Variants in KCND3 observed in about 807,000 individuals in gnomAD.
KCND3 encodes A-type voltage-gated potassium channel KCND3.
KCND3 carries 9 observed loss-of-function variants against 51.1 expected under a neutral mutation model. The ratio of observed to expected loss-of-function variants is 0.18; its 90% CI spans 0.11 to 0.31. KCND3 has a LOEUF of 0.31. Ranked by LOEUF, KCND3 falls within the 10% of genes least tolerant of loss-of-function variation. The pLI is 1.00. For synonymous variants in KCND3, 349 were observed against 368.0 expected, an observed-to-expected ratio of 0.95 and a Z score of 0.59; for missense variants, 526 against 903.8, an observed-to-expected ratio of 0.58 and a Z score of 5.36.
chr1:111,831,360 T>A (rs566586646), intron 2 of KCND3, among the ~76,000 whole-genome samples: 1 of 152,270 alleles, frequency 6.6e-6, no homozygotes, highest in East Asian at 1.9e-4. Context: ...TTTCTCATGA[T>A]AGTGAGTGAG....
chr1:111,948,387 C>T (rs1176688528), intron 2 of KCND3, among the ~76,000 whole-genome samples: 2 of 152,244 alleles, frequency 1.3e-5, no homozygotes, highest in Admixed American at 6.5e-5. Flanking sequence ...GAAAGCCAGC[C>T]TCCTGAGGTG....
At chr1:111,848,216 C>G (rs1407813670) in intron 2 of KCND3, among the ~76,000 whole-genome samples, 1 of 152,194 alleles carries the variant, frequency 6.6e-6, no homozygotes, top group Non-Finnish European at 1.5e-5. Context: ...GGGAAGGGAG[C>G]TGGATCTTGG....
chr1:111,848,845 C>T (rs984736849), intron 2 of KCND3, among the ~76,000 whole-genome samples: 7 of 152,180 alleles, frequency 4.6e-5, no homozygotes, highest in South Asian at 2.1e-4. Context: ...ATGCCAGGGA[C>T]GCGGGATGTG....
chr1:111,872,231 G>T (rs1668855982), intron 2 of KCND3, among the ~76,000 whole-genome samples: 2 of 152,116 alleles, frequency 1.3e-5, no homozygotes, highest in African/African-American at 4.8e-5. Flanking sequence ...GAAAAGACAA[G>T]ACCGTAGATT....
intron 2 of KCND3, among the ~76,000 whole-genome samples, chr1:111,843,820 C>T (rs908807383): frequency 4.6e-5 from 7 of 152,186 alleles, no homozygotes; most frequent in African/African-American, 1.4e-4. Context: ...ACTGAAAACC[C>T]AAGTGCTGGC....
intron 2 of KCND3, among the ~76,000 whole-genome samples, chr1:111,881,304 C>T (rs546806718): frequency 9.2e-5 from 14 of 152,324 alleles, no homozygotes; most frequent in Admixed American, 5.9e-4. Flanking sequence ...GTGAGCTCCT[C>T]GGCTCTCTCC....
At chr1:111,853,162 T>C (rs1667901219) in intron 2 of KCND3, among the ~76,000 whole-genome samples, 1 of 152,214 alleles carries the variant, frequency 6.6e-6, no homozygotes, top group Non-Finnish European at 1.5e-5. Context: ...GCAGACAGGG[T>C]GAGCCCATTG....
chr1:111,841,995 C>A (rs1667341982), intron 2 of KCND3, among the ~76,000 whole-genome samples: 4 of 152,176 alleles, frequency 2.6e-5, no homozygotes. Flanking sequence ...GCTTCTCAGA[C>A]CCTGCCTCTA....
chr1:111,856,333 G>A (rs923676458), intron 2 of KCND3, among the ~76,000 whole-genome samples: 1 of 152,224 alleles, frequency 6.6e-6, no homozygotes, highest in African/African-American at 2.4e-5. Flanking sequence ...GCCCTCTTTG[G>A]TCCCTGCTCT....
chr1:111,842,563 G>C (rs1488899596), intron 2 of KCND3, among the ~76,000 whole-genome samples: 1 of 152,140 alleles, frequency 6.6e-6, no homozygotes, highest in Admixed American at 6.5e-5. Context: ...AGTGAGCAGG[G>C]GTGGAAAATG....
At chr1:111,785,498 G>A (rs938370624) in intron 3 of KCND3, among the ~76,000 whole-genome samples, 1 of 152,088 alleles carries the variant, frequency 6.6e-6, no homozygotes, top group African/African-American at 2.4e-5. Flanking sequence ...ATCTTAAGGT[G>A]GCAACTTAAC....
intron 2 of KCND3, among the ~76,000 whole-genome samples, chr1:111,874,277 T>C (rs1467083006): frequency 1.3e-5 from 2 of 152,222 alleles, no homozygotes; most frequent in Non-Finnish European, 2.9e-5. Flanking sequence ...CCCTCTTGCA[T>C]GGACCGCTGA....
At chr1:111,955,543 C>T (rs563204928) in intron 2 of KCND3, among the ~76,000 whole-genome samples, 49 of 152,302 alleles carry the variant, frequency 3.2e-4, no homozygotes, top group Admixed American at 8.5e-4. Flanking sequence ...TTTTGTGTCA[C>T]GCTGCATTGT....
chr1:111,852,493 A>G (rs1254659794), intron 2 of KCND3, among the ~76,000 whole-genome samples: 1 of 152,158 alleles, frequency 6.6e-6, no homozygotes, highest in Non-Finnish European at 1.5e-5. Flanking sequence ...TGTCTCCGGC[A>G]CCTTCTTTTA....
intron 2 of KCND3, among the ~76,000 whole-genome samples, chr1:111,800,919 A>C (rs1175638817): frequency 6.6e-6 from 1 of 152,226 alleles, no homozygotes; most frequent in African/African-American, 2.4e-5. Context: ...ATCCCAGGAA[A>C]CTTCTAATTT....
At chr1:111,980,621 AT>A (rs1674897988) in intron 2 of KCND3, among the ~76,000 whole-genome samples, 1 of 152,206 alleles carries the variant, frequency 6.6e-6, no homozygotes, top group African/African-American at 2.4e-5. Flanking sequence ...CAGTATATGA[AT>A]TGTGGAGGGA....
At chr1:111,794,054 C>A (rs1341367956) in intron 2 of KCND3, among the ~76,000 whole-genome samples, 2 of 45,936 alleles carry the variant, frequency 4.4e-5, no homozygotes, top group African/African-American at 2.4e-4. Context: ...AGTGTGGAGG[C>A]AGCTGTCGCC....
intron 1 of KCND3, among the ~76,000 whole-genome samples, chr1:111,987,050 G>T (rs1405642675): frequency 6.6e-6 from 1 of 152,172 alleles, no homozygotes; most frequent in Non-Finnish European, 1.5e-5. Flanking sequence ...CAAAAAGTAA[G>T]AGATCACTGA....
At chr1:111,934,075 G>A (rs1033511248) in intron 2 of KCND3, among the ~76,000 whole-genome samples, 3 of 152,156 alleles carry the variant, frequency 2.0e-5, no homozygotes, top group African/African-American at 7.2e-5. Flanking sequence ...GGTGGTGCGG[G>A]GGCTCAGCAG....
Sources: gnomAD v4.1 joint callset for allele counts (sites outside exome capture counted in the v4.1 genomes callset) on GRCh38, gnomAD v4.1.1 for gene constraint, MANE v1.5 for transcripts, NCBI Gene and HGNC (gene_info 2026-07-23, HGNC 2026-07-21) for gene names.